Variants in ADGRL3 observed in about 807,000 individuals in gnomAD.
The protein encoded by ADGRL3 is adhesion G protein-coupled receptor L3.
Under a neutral mutation model 153.5 loss-of-function variants are expected in ADGRL3, and 62 were observed. The observed-to-expected ratio is 0.40, with a 90% confidence interval of 0.33 to 0.50. ADGRL3 has a LOEUF of 0.50. Ranked by LOEUF, ADGRL3 falls within the 20% of genes least tolerant of loss-of-function variation. The probability of loss-of-function intolerance (pLI) is 0.47; values close to 1 mark genes in which losing one functional copy is unlikely to be tolerated. For synonymous variants in ADGRL3, 710 were observed against 672.5 expected (o/e 1.06, Z -0.86); for missense variants, 1,641 against 1,859.4 (o/e 0.88, Z 2.16).
chr4:61,630,815 GT>G, intron 5 of ADGRL3, among the ~76,000 whole-genome samples: 1 of 152,324 alleles, frequency 6.6e-6, no homozygotes, highest in Middle Eastern at 3.4e-3. Flanking sequence ...CAGATATGAG[GT>G]TTGTAGGCTC....
At chr4:61,594,042 A>G (rs1354024151) in intron 5 of ADGRL3, among the ~76,000 whole-genome samples, 3 of 151,856 alleles carry the variant, frequency 2.0e-5, no homozygotes, top group Non-Finnish European at 2.9e-5. Flanking sequence ...ACTGCCTTCT[A>G]TTTCACTAAT....
intron 2 of ADGRL3, among the ~76,000 whole-genome samples, chr4:61,492,825 A>T (rs2098272454): frequency 6.6e-6 from 1 of 152,106 alleles, no homozygotes; most frequent in Non-Finnish European, 1.5e-5. Flanking sequence ...TTCTTTCCAT[A>T]CTGTATTCTT....
At chr4:61,281,414 T>G (rs1035271455) in intron 1 of ADGRL3, among the ~76,000 whole-genome samples, 3 of 152,208 alleles carry the variant, frequency 2.0e-5, no homozygotes, top group Non-Finnish European at 4.4e-5. Context: ...CATAAAACTG[T>G]AGGCTCTAAT....
intron 5 of ADGRL3, among the ~76,000 whole-genome samples, chr4:61,643,319 C>G (rs905679438): frequency 6.6e-6 from 1 of 152,040 alleles, no homozygotes; most frequent in South Asian, 2.1e-4. Flanking sequence ...GAACTTCCAA[C>G]ACTATGTTGA....
chr4:61,743,516 T>G (rs1333961512), intron 8 of ADGRL3, among the ~76,000 whole-genome samples: 1 of 152,108 alleles, frequency 6.6e-6, no homozygotes, highest in South Asian at 2.1e-4. Flanking sequence ...GTACTATATT[T>G]AGAAACACAC....
chr4:61,867,938 A>G (rs1384431930), intron 9 of ADGRL3, among the ~76,000 whole-genome samples: 1 of 152,156 alleles, frequency 6.6e-6, no homozygotes, highest in Non-Finnish European at 1.5e-5. Flanking sequence ...AGAAGGGCTT[A>G]TAATGGGGTT....
chr4:61,817,126 G>A (rs1337888364), intron 9 of ADGRL3, among the ~76,000 whole-genome samples: 1 of 150,520 alleles, frequency 6.6e-6, no homozygotes, highest in African/African-American at 2.5e-5. Context: ...GGGGGCTGAA[G>A]GTAGCTTGGC....
intron 25 of ADGRL3, among the ~76,000 whole-genome samples, chr4:62,045,063 G>A (rs145391504): frequency 1.2e-3 from 177 of 152,024 alleles, no homozygotes; most frequent in African/African-American, 4.2e-3. Flanking sequence ...GATACTTTTG[G>A]GTATATTATG....
At chr4:61,610,560 T>C (rs1202681251) in intron 5 of ADGRL3, among the ~76,000 whole-genome samples, 2 of 152,128 alleles carry the variant, frequency 1.3e-5, no homozygotes, top group Non-Finnish European at 2.9e-5. Flanking sequence ...AGTCTAAGAA[T>C]TTTTTCCAAG....
intron 8 of ADGRL3, among the ~76,000 whole-genome samples, chr4:61,757,808 C>T (rs2096855818): frequency 6.6e-6 from 1 of 152,260 alleles, no homozygotes; most frequent in African/African-American, 2.4e-5. Context: ...CCCAGAGATT[C>T]TGGTATGTTG....
chr4:61,924,828 C>G (rs1158691292), intron 13 of ADGRL3, among the ~76,000 whole-genome samples: 3 of 152,158 alleles, frequency 2.0e-5, no homozygotes, highest in Non-Finnish European at 2.9e-5. Flanking sequence ...TATTTGAAAG[C>G]CATCCCTGAT....
rs576422477 is a variant in ADGRL3 at position 62,076,376 on chromosome 4, T to G, written c.*5468T>G. The G allele has an allele frequency of 6.6e-6, 1 of 152,156 alleles. No individual in the cohort carries two copies. Among genetic ancestry groups the G allele is most frequent in the Admixed American group, 6.6e-5 (1 of 15,260 alleles). The allele number at this position is 152,156 out of a possible 1,614,324, so 9.4% of individuals were successfully genotyped here. On this transcript the variant is annotated 3_prime_UTR_variant, in exon 27 of 27. Coordinates refer to ENST00000683033, the MANE Select transcript of ADGRL3 (RefSeq NM_001387552.1). ...GGAAGGCTTGTGAAAGAACTTTGATTTATGTGAAGAAATCAAGAAAGACTA... is the reference window on the plus strand; with the variant it reads ...GGAAGGCTTGTGAAAGAACTTTGATGTATGTGAAGAAATCAAGAAAGACTA...
At chr4:61,799,083 GGATAGATA>G (rs150251468) in intron 8 of ADGRL3, among the ~76,000 whole-genome samples, 7 of 133,728 alleles carry the variant, frequency 5.2e-5, no homozygotes, top group African/African-American at 8.3e-5. Flanking sequence ...ATAGGTAGAT[GGATAGATA>G]GATAGATAGA....
intron 1 of ADGRL3, among the ~76,000 whole-genome samples, chr4:61,310,898 G>C (rs1714682508): frequency 6.6e-6 from 1 of 151,970 alleles, no homozygotes; most frequent in African/African-American, 2.4e-5. Flanking sequence ...AAGTTAGAAA[G>C]AGTGGAATGG....
intron 8 of ADGRL3, among the ~76,000 whole-genome samples, chr4:61,748,311 C>A (rs1043085717): frequency 1.3e-5 from 2 of 152,108 alleles, no homozygotes; most frequent in African/African-American, 4.8e-5. Context: ...TCAATGCTAT[C>A]CCCATCAAGC....
chr4:61,529,614 A>G (rs1356671908), intron 4 of ADGRL3, among the ~76,000 whole-genome samples: 1 of 152,110 alleles, frequency 6.6e-6, no homozygotes, highest in Admixed American at 6.5e-5. Flanking sequence ...TTATTTGTAA[A>G]GCTCTTGCTA....
chr4:61,638,851 T>A (rs576210531), intron 5 of ADGRL3, among the ~76,000 whole-genome samples: 1 of 152,312 alleles, frequency 6.6e-6, no homozygotes, highest in Admixed American at 6.5e-5. Flanking sequence ...TCTGACTCAC[T>A]TCAGTGAATT....
chr4:61,616,552 AC>A (rs1489642765), intron 5 of ADGRL3, among the ~76,000 whole-genome samples: 11 of 152,172 alleles, frequency 7.2e-5, no homozygotes, highest in African/African-American at 2.7e-4. Flanking sequence ...AGATTAAAAA[AC>A]AAAACAAAAC....
intron 9 of ADGRL3, among the ~76,000 whole-genome samples, chr4:61,854,188 A>G (rs2098238513): frequency 6.6e-6 from 1 of 152,172 alleles, no homozygotes; most frequent in Non-Finnish European, 1.5e-5. Context: ...CAGAGAATTT[A>G]CTGGACAATA....
Sources: gnomAD v4.1 joint callset for allele counts (sites outside exome capture counted in the v4.1 genomes callset) on GRCh38, gnomAD v4.1.1 for gene constraint, MANE v1.5 for transcripts, NCBI Gene and HGNC (gene_info 2026-07-23, HGNC 2026-07-21) for gene names.